The following SELP variants were observed in gnomAD, a reference collection of about 807,000 sequenced individuals.
The protein encoded by SELP is P-selectin.
Under a neutral mutation model 104.1 loss-of-function variants are expected in SELP, and 92 were observed. That is an observed-to-expected ratio of 0.88 (90% confidence interval 0.75 to 1.05). The LOEUF is 1.05. Ranked by LOEUF, SELP falls within the 50% of genes least tolerant of loss-of-function variation. The pLI, the probability that SELP is intolerant of heterozygous loss-of-function variation, is 0.00. For missense variants in SELP, 1,022 were observed against 1,017.3 expected (o/e 1.00, Z -0.06); for synonymous variants, 397 against 364.5 (o/e 1.09, Z -1.01).
chr1:169,622,328 C>G (rs1325209426), intron 1 of SELP, among the ~76,000 whole-genome samples: 3 of 152,166 alleles, frequency 2.0e-5, no homozygotes, highest in Non-Finnish European at 2.9e-5. Context: ...TAGTAAATCA[C>G]TATATAATTT....
chr1:169,597,201 A>G (rs1478480506), intron 10 of SELP, 25 bp from the exon 11 acceptor site: 3 of 1,539,216 alleles, frequency 1.9e-6, no homozygotes, highest in South Asian at 2.5e-5. Context: ...TAAGAGTGTC[A>G]CAATCTCCAA....
At chr1:169,592,908 T>C (rs1431377885) in intron 14 of SELP, among the ~76,000 whole-genome samples, 3 of 152,218 alleles carry the variant, frequency 2.0e-5, no homozygotes, top group Non-Finnish European at 4.4e-5. Flanking sequence ...GATTTTACAC[T>C]TTCATGTCTT....
chr1:169,593,130 C>T (rs1408039989), intron 14 of SELP, among the ~76,000 whole-genome samples: 1 of 152,190 alleles, frequency 6.6e-6, no homozygotes, highest in African/African-American at 2.4e-5. Context: ...CCTGTCTCCC[C>T]TACTGGATTT....
chr1:169,599,052 C>T (rs758100464), intron 10 of SELP, among the ~76,000 whole-genome samples: 9 of 152,124 alleles, frequency 5.9e-5, no homozygotes, highest in Non-Finnish European at 1.0e-4. Flanking sequence ...TTATAAAAGT[C>T]TCTGAACTCT....
rs2101866793 is a variant in SELP at position 169,594,779 on chromosome 1, A to G, written c.2200T>C (p.Cys734Arg). ...FSYGSICSFHCLEGQLLNGSA... is the reference protein window; with the variant it reads ...FSYGSICSFHRLEGQLLNGSA... ...CCATTAAGTAACTGGCCCTCTAGAC[A>G]ATGGAAAGAGCAGATTGATCCATAA... The change falls in exon 13 of 17, where the codon TGT (cysteine) becomes CGT (arginine). Residue 734 changes from cysteine to arginine, a missense_variant. Physicochemically the swap from Cys to Arg is radical, Grantham distance 180. Coordinates refer to ENST00000263686, the MANE Select transcript of SELP (RefSeq NM_003005.4). The G allele has an allele frequency of 6.2e-7, 1 of 1,613,896 alleles. No individual in the cohort carries two copies. Among genetic ancestry groups the G allele is most frequent in the Non-Finnish European group, 8.5e-7 (1 of 1,179,846 alleles).
Position 169,617,128 on chromosome 1 carries a change from G to T in SELP, c.381C>A (p.Asn127Lys), listed in dbSNP as rs145511359. 10 of 1,613,946 alleles carry T rather than the reference G, an allele frequency of 6.2e-6. No homozygotes were observed. In the South Asian group the frequency reaches 7.7e-5, roughly 12 times the overall value. The change falls in exon 3 of 17, where the codon AAC (asparagine) becomes AAA (lysine). Residue 127 changes from asparagine (N) to lysine (K), a missense_variant. Coordinates refer to ENST00000263686, the MANE Select transcript of SELP (RefSeq NM_003005.4). Reference sequence around the variant, plus strand: ...TGTATATCTCCACGCAGTCCTCGTTGTTCCTTTTGTTGTTAGGTTCATTAT... The same window carrying T: ...TGTATATCTCCACGCAGTCCTCGTTTTTCCTTTTGTTGTTAGGTTCATTAT... Reference protein sequence around the residue: ...WADNEPNNKRNNEDCVEIYIK... With the variant: ...WADNEPNNKRKNEDCVEIYIK...
In SELP at chr1:169,612,430, G is replaced by C. The variant is rs369985858; in HGVS notation, c.776-28C>G. 6 of 1,608,104 alleles carry C rather than the reference G, an allele frequency of 3.7e-6. No individual in the cohort carries two copies. In the African/African-American group the frequency reaches 8.0e-5, roughly 22 times the overall value. On this transcript the variant is annotated intron_variant, in intron 5 of 16. Coordinates refer to ENST00000263686, the MANE Select transcript of SELP (RefSeq NM_003005.4). Reference sequence around the variant, plus strand: ...AAAACCAACCACAGAATAATAGTGTGAGTCCTTGGACAAATTTTGTCCATC... The same window carrying C: ...AAAACCAACCACAGAATAATAGTGTCAGTCCTTGGACAAATTTTGTCCATC...
At chr1:169,592,354 G>A (rs1661392732) in intron 14 of SELP, among the ~76,000 whole-genome samples, 1 of 152,176 alleles carries the variant, frequency 6.6e-6, no homozygotes, top group Non-Finnish European at 1.5e-5. Flanking sequence ...ACGTGGTTTT[G>A]CCTCTGAGCA....
Position 169,617,755 on chromosome 1 carries a change from AAGCTC to A in SELP, c.95-346_95-342del, listed in dbSNP as rs1183604626. Among the ~76,000 whole-genome samples the A allele has an allele frequency of 2.0e-5, 3 of 152,338 alleles. No individual in the cohort carries two copies. The East Asian group carries it at 5.8e-4, about 29-fold the overall frequency. On this transcript the variant is annotated intron_variant, in intron 2 of 16. Coordinates refer to ENST00000263686, the MANE Select transcript of SELP (RefSeq NM_003005.4). Reference sequence around the variant, plus strand: ...AGAAGGAGACATAAGTAATTTGCCCAAGCTCAGATTAAATGACATATAAAATGTCT... The same window carrying A: ...AGAAGGAGACATAAGTAATTTGCCCAAGATTAAATGACATATAAAATGTCT...
At chr1:169,607,690 C>A (rs922774695) in intron 8 of SELP, among the ~76,000 whole-genome samples, 3 of 152,152 alleles carry the variant, frequency 2.0e-5, no homozygotes, top group Non-Finnish European at 4.4e-5. Flanking sequence ...AGAGAGCACA[C>A]ATATTCCATG....
chr1:169,591,372 A>G, intron 15 of SELP, 54 bp downstream of exon 15: 1 of 1,213,414 alleles, frequency 8.2e-7, no homozygotes, highest in Non-Finnish European at 1.2e-6. Context: ...ATTACAGTGA[A>G]TTATAAAGTT....
intron 1 of SELP, among the ~76,000 whole-genome samples, chr1:169,625,549 A>C (rs1369248706): frequency 6.6e-6 from 1 of 152,252 alleles, no homozygotes; most frequent in Non-Finnish European, 1.5e-5. Flanking sequence ...ACAGCTGAGG[A>C]AGCTACTGAC....
chr1:169,616,035 C>A (rs1662790298), intron 3 of SELP, among the ~76,000 whole-genome samples: 1 of 152,146 alleles, frequency 6.6e-6, no homozygotes, highest in African/African-American at 2.4e-5. Context: ...GACAGGGAAG[C>A]AACATCAGAA....
intron 9 of SELP, among the ~76,000 whole-genome samples, 154 bp from the exon 10 acceptor site, chr1:169,603,365 T>C (rs1271434272): frequency 6.8e-6 from 1 of 146,348 alleles, no homozygotes. Flanking sequence ...TATACAACGA[T>C]GGTATTTGGC....
chr1:169,601,096 T>C (rs545434090), intron 10 of SELP, among the ~76,000 whole-genome samples: 1 of 152,264 alleles, frequency 6.6e-6, no homozygotes, highest in South Asian at 2.1e-4. Flanking sequence ...AAGGTTTTTT[T>C]AAATATTCTT....
intron 1 of SELP, among the ~76,000 whole-genome samples, chr1:169,620,032 C>A (rs1663013710): frequency 6.6e-6 from 1 of 151,924 alleles, no homozygotes; most frequent in Non-Finnish European, 1.5e-5. Context: ...GAAACCCTGT[C>A]TCTACTAAAA....
chr1:169,603,514 G>A (rs1025609374), intron 9 of SELP, among the ~76,000 whole-genome samples: 1 of 152,146 alleles, frequency 6.6e-6, no homozygotes, highest in Non-Finnish European at 1.5e-5. Flanking sequence ...TTTAAAGGAA[G>A]CTGGTGCTCT....
chr1:169,608,904 G>C (rs947365000), intron 8 of SELP, among the ~76,000 whole-genome samples: 2 of 152,068 alleles, frequency 1.3e-5, no homozygotes, highest in Non-Finnish European at 2.9e-5. Flanking sequence ...GAGTGCCTTA[G>C]TATAAGAGCA....
intron 13 of SELP, 67 bp from the exon 14 acceptor site, chr1:169,593,791 T>G: frequency 1.3e-6 from 2 of 1,558,394 alleles, no homozygotes; most frequent in South Asian, 2.3e-5. Flanking sequence ...AGTCTTTCTC[T>G]CCCAGAAAGT....
Sources: allele counts gnomAD v4.1 joint callset (sites outside exome capture counted in the v4.1 genomes callset), GRCh38; gene constraint gnomAD v4.1.1; transcripts MANE v1.5; gene names NCBI Gene and HGNC (gene_info 2026-07-23, HGNC 2026-07-21).